NINJ2: variants seen among roughly 807,000 people sequenced by gnomAD.
NINJ2 encodes the protein ninjurin-2.
NINJ2 carries 12 observed loss-of-function variants against 11.7 expected under a neutral mutation model. The ratio of observed to expected loss-of-function variants is 1.02; its 90% confidence interval spans 0.66 to 1.66. The LOEUF (loss-of-function observed/expected upper bound fraction) is 1.66, where lower values mean the gene tolerates loss of function less well. Among genes scored for constraint, NINJ2 ranks in the 40% most tolerant of loss-of-function variants. The pLI is 0.00. For missense variants in NINJ2, 187 were observed against 181.8 expected, an observed-to-expected ratio of 1.03 and a Z score of -0.16; for synonymous variants, 93 against 76.8, an observed-to-expected ratio of 1.21 and a Z score of -1.10.
chr12:623,923 C>T (rs1268168890), intron 1 of NINJ2, among the ~76,000 whole-genome samples: 1 of 152,158 alleles, frequency 6.6e-6, no homozygotes, highest in African/African-American at 2.4e-5. Flanking sequence ...GTAGTCCCAG[C>T]TGCTCAGAAG....
Position 565,245 on chromosome 12 carries a change from T to C in NINJ2, c.419A>G (p.Asn140Ser). 6.2e-7 allele frequency: 1 copy of C among 1,613,612 alleles called. No individual in the cohort carries two copies. Among genetic ancestry groups the C allele is most frequent in the East Asian group, 2.2e-5 (1 of 44,886 alleles). Residue 140 changes from asparagine to serine, a missense_variant, in exon 3 of 4, where the codon AAT becomes AGT. Asn to Ser is a conservative substitution (Grantham distance 46). Coordinates refer to ENST00000305108, the MANE Select transcript of NINJ2 (RefSeq NM_016533.6). ...TGFLAARASR[N>S]PL ...GGTCCCAGGCTGCATTCAGAGAGGA[T>C]TCCTTGAGGCCCTGGCAGCCAGGAA...
chr12:651,010 A>G (rs1937778561), intron 1 of NINJ2, among the ~76,000 whole-genome samples: 1 of 152,160 alleles, frequency 6.6e-6, no homozygotes, highest in South Asian at 2.1e-4. Context: ...GCCAGCTAGG[A>G]AAACCTGAAC....
At chr12:610,791 T>C (rs1250927368) in intron 1 of NINJ2, 2 of 231,600 alleles carry the variant, frequency 8.6e-6, no homozygotes, top group Non-Finnish European at 1.3e-5. Context: ...TGGAGTGCAA[T>C]GGTGCAATCT....
intron 1 of NINJ2, among the ~76,000 whole-genome samples, chr12:604,419 C>G (rs1465005048): frequency 6.6e-6 from 1 of 152,164 alleles, no homozygotes; most frequent in African/African-American, 2.4e-5. Flanking sequence ...GGGCGGATCA[C>G]TTGAGGTCAG....
In NINJ2 at chr12:658,256, C is replaced by T. The variant is rs148144163; in HGVS notation, c.33+5072G>A. ...CTAACCTCAAGTGATCCACTCACCT[C>T]GGCCTCCCAAAGTGCTGGGATTACA... On this transcript the variant is annotated intron_variant, in intron 1 of 3. Coordinates refer to ENST00000305108, the MANE Select transcript of NINJ2 (RefSeq NM_016533.6). 8.2e-3 allele frequency among the ~76,000 whole-genome samples: 1,245 copies of T among 152,154 alleles called. 19 individuals are homozygous for T. The highest frequency in any genetic ancestry group is 0.028 in the African/African-American group (1,158 of 41,520).
At chr12:602,919 A>G (rs1947890651) in intron 1 of NINJ2, among the ~76,000 whole-genome samples, 1 of 151,854 alleles carries the variant, frequency 6.6e-6, no homozygotes, top group Non-Finnish European at 1.5e-5. Flanking sequence ...TGAAGCCTGG[A>G]CCTCCTGAGC....
In NINJ2 at chr12:580,443, C is replaced by G. The variant is rs942996485; in HGVS notation, c.34-14265G>C. On this transcript the variant is annotated intron_variant, in intron 1 of 3. Transcript: ENST00000305108. The surrounding 1 kb of genome is among the most constrained non-coding windows in gnomAD (Gnocchi z 4.7). The stretch of plus-strand genomic sequence containing the variant: ...TCTCTACTAAAAATACAAAAATTAG[C>G]CAGATGTGGTGGTGCACGCCTATAA... Among the ~76,000 whole-genome samples the G allele has an allele frequency of 1.3e-5, 2 of 152,006 alleles. No individual in the cohort carries two copies. Among genetic ancestry groups the G allele is most frequent in the African/African-American group, 4.8e-5 (2 of 41,388 alleles).
At chr12:588,156 A>AAGGGAAGGGACGGAAGGGACGGAAGGG (rs1947666731) in intron 1 of NINJ2, among the ~76,000 whole-genome samples, 3 of 123,394 alleles carry the variant, frequency 2.4e-5, no homozygotes, top group African/African-American at 9.1e-5. Flanking sequence ...TGGCGGAAGG[A>AAGGGAAGGGACGGAAGGGACGGAAGGG]AGGGAAGGGA....
rs56257105 is a variant in NINJ2 at position 609,186 on chromosome 12, T to G, written c.34-43008A>C. ...CGCACGCACGGCGCCACGCGCTAGG[T>G]GCTGAACGCACACGCACGGCGCCAC... On this transcript the variant is annotated intron_variant, in intron 1 of 3. Transcript: ENST00000305108. Among the ~76,000 whole-genome samples the G allele has an allele frequency of 7.5e-3, 859 of 115,116 alleles. 79 individuals are homozygous for G. The highest frequency in any genetic ancestry group is 0.011 in the Non-Finnish European group (628 of 56,048). The allele number at this position is 115,116 out of a possible 152,430, so 75.5% of individuals were successfully genotyped here. A position where few individuals can be genotyped will look rare whatever the true frequency, so the allele number is the denominator to read the frequency against.
chr12:649,418 A>G (rs985147760), intron 1 of NINJ2, among the ~76,000 whole-genome samples: 38 of 152,106 alleles, frequency 2.5e-4, no homozygotes, highest in Non-Finnish European at 2.6e-4. Context: ...TAAAACTATT[A>G]AAAAGTGGAA....
intron 1 of NINJ2, among the ~76,000 whole-genome samples, chr12:579,513 AC>A: frequency 1.7e-5 from 1 of 59,930 alleles, no homozygotes; most frequent in Non-Finnish European, 3.0e-5. Context: ...AACAAAACAA[AC>A]AAAACAAAAC....
At chr12:584,951 T>C (rs986396258) in intron 1 of NINJ2, among the ~76,000 whole-genome samples, 1 of 151,918 alleles carries the variant, frequency 6.6e-6, no homozygotes, top group Non-Finnish European at 1.5e-5. Flanking sequence ...ACCCCGTCTC[T>C]ACTAAAAATA....
chr12:654,327 C>T (rs1223756567), intron 1 of NINJ2, among the ~76,000 whole-genome samples: 3 of 151,178 alleles, frequency 2.0e-5, no homozygotes, highest in Non-Finnish European at 4.4e-5. Context: ...TCGAGACCAG[C>T]CTGACCAACA....
Position 640,013 on chromosome 12 carries a change from G to A in NINJ2, c.33+23315C>T, listed in dbSNP as rs1476870276. ...CCAGGCCCCCGAATAGTGTATTGGA[G>A]ATGACACGGTGTTTAGTGCTGTTTC... On this transcript the variant is annotated intron_variant, in intron 1 of 3. Coordinates refer to ENST00000305108, the MANE Select transcript of NINJ2 (RefSeq NM_016533.6). This position sits in a 1 kb window ranked among gnomAD's most constrained non-coding sequence, Gnocchi z 4.0. Among the ~76,000 whole-genome samples the A allele has an allele frequency of 5.3e-5, 8 of 152,246 alleles. No individual in the cohort carries two copies. Among genetic ancestry groups the A allele is most frequent in the African/African-American group, 1.9e-4 (8 of 41,462 alleles).
At chr12:592,707 T>A (rs985745394) in intron 1 of NINJ2, among the ~76,000 whole-genome samples, 19 of 151,502 alleles carry the variant, frequency 1.3e-4, no homozygotes, top group East Asian at 5.8e-4. Context: ...TCTCAAAATT[T>A]AAAAAAAAAT....
At chr12:586,978 A>C (rs969194281) in intron 1 of NINJ2, among the ~76,000 whole-genome samples, 12 of 152,224 alleles carry the variant, frequency 7.9e-5, no homozygotes, top group Admixed American at 3.3e-4. Flanking sequence ...TTTAACCCTT[A>C]GTGTGAGCAG....
At chr12:618,417 C>T (rs78674560) in intron 1 of NINJ2, among the ~76,000 whole-genome samples, 1 of 143,792 alleles carries the variant, frequency 7.0e-6, no homozygotes, top group Non-Finnish European at 1.6e-5. Flanking sequence ...CACTCTGGAA[C>T]CCCAGAACAG....
At chr12:607,163 G>C (rs1214768119) in intron 1 of NINJ2, among the ~76,000 whole-genome samples, 1 of 152,030 alleles carries the variant, frequency 6.6e-6, no homozygotes, top group Non-Finnish European at 1.5e-5. Context: ...TGCTGGAAAT[G>C]CAGAACCTCA....
intron 1 of NINJ2, among the ~76,000 whole-genome samples, chr12:599,745 CCCA>C (rs1193232281): frequency 2.6e-5 from 4 of 152,310 alleles, no homozygotes; most frequent in African/African-American, 9.6e-5. Flanking sequence ...CCCTCCCAGC[CCCA>C]CGACTGCGCT....
Sources: allele counts gnomAD v4.1 joint callset (sites outside exome capture counted in the v4.1 genomes callset), GRCh38; gene constraint gnomAD v4.1.1; non-coding constraint Gnocchi (gnomAD v3.1); transcripts MANE v1.5; gene names NCBI Gene and HGNC (gene_info 2026-07-23, HGNC 2026-07-21).